The following MAGI2 variants were observed in gnomAD, a reference collection of about 807,000 sequenced individuals.
MAGI2 encodes the protein membrane associated guanylate kinase, WW and PDZ domain containing 2.
A neutral mutation model predicts 133.3 loss-of-function variants in MAGI2; 35 were observed. The ratio of observed to expected loss-of-function variants is 0.26; its 90% CI spans 0.20 to 0.35. The LOEUF is 0.35. Among genes scored for constraint, MAGI2 ranks in the 10% least tolerant of loss-of-function variants. MAGI2 has a pLI of 1.00. For synonymous variants in MAGI2, 729 were observed against 710.6 expected, an observed-to-expected ratio of 1.03 and a Z score of -0.41; for missense variants, 1,636 against 1,863.4, an observed-to-expected ratio of 0.88 and a Z score of 2.25.
intron 2 of MAGI2, among the ~76,000 whole-genome samples, chr7:78,979,633 C>T (rs1374215920): frequency 2.0e-5 from 3 of 151,812 alleles, no homozygotes; most frequent in Admixed American, 6.6e-5. Context: ...CCTGGTTGTT[C>T]ACTCTGTTCT....
At chr7:78,688,602 T>G (rs903037173) in intron 2 of MAGI2, among the ~76,000 whole-genome samples, 1 of 152,210 alleles carries the variant, frequency 6.6e-6, no homozygotes, top group Non-Finnish European at 1.5e-5. Flanking sequence ...TTAATCCTTG[T>G]GGTTCACAGA....
intron 2 of MAGI2, among the ~76,000 whole-genome samples, chr7:78,889,199 AAC>A (rs2151563844): frequency 7.1e-6 from 1 of 140,870 alleles, no homozygotes; most frequent in African/African-American, 3.1e-5. Context: ...AAAAGAAATG[AAC>A]AAAGCCTCCA....
intron 3 of MAGI2, among the ~76,000 whole-genome samples, chr7:78,582,818 A>G (rs1027793728): frequency 1.3e-5 from 2 of 152,216 alleles, no homozygotes; most frequent in African/African-American, 4.8e-5. Flanking sequence ...AGGGGAATAG[A>G]AAATACACCC....
At chr7:78,866,988 A>G (rs1794614008) in intron 2 of MAGI2, among the ~76,000 whole-genome samples, 1 of 151,880 alleles carries the variant, frequency 6.6e-6, no homozygotes, top group South Asian at 2.1e-4. Flanking sequence ...AACCACAATG[A>G]GATATCATCT....
At chr7:78,743,729 G>A (rs189138314) in intron 2 of MAGI2, among the ~76,000 whole-genome samples, 4 of 152,274 alleles carry the variant, frequency 2.6e-5, no homozygotes, top group Admixed American at 2.0e-4. Context: ...TATAAGCATA[G>A]GTGAACAATT....
At chr7:78,573,295 T>C (rs1431967294) in intron 3 of MAGI2, among the ~76,000 whole-genome samples, 1 of 60,160 alleles carries the variant, frequency 1.7e-5, no homozygotes, top group Non-Finnish European at 2.8e-5. Context: ...TATATAAATA[T>C]ATATATTTAT....
intron 1 of MAGI2, among the ~76,000 whole-genome samples, chr7:79,152,847 T>A (rs1823389881): frequency 1.3e-5 from 2 of 152,200 alleles, no homozygotes; most frequent in Admixed American, 1.3e-4. Flanking sequence ...CATCTCTATC[T>A]CCAGTTGTAG....
At position 79,010,235 on chromosome 7, in the gene MAGI2, A is replaced by ATATGTATG. The variant is rs140738019; in HGVS notation, c.302-3037_302-3030dup. 4.4e-4 allele frequency among the ~76,000 whole-genome samples: 66 copies of ATATGTATG among 151,694 alleles called. 1 individual carries two copies. The East Asian group carries it at 9.8e-3, about 22-fold the overall frequency. On this transcript the variant is annotated intron_variant, in intron 1 of 21. Coordinates refer to ENST00000354212, the MANE Select transcript of MAGI2 (RefSeq NM_012301.4). ...TTATATGTATGTGTGATACATATGTATATGTATGTATGTGTGATACATGTG... is the reference window on the plus strand; with the variant it reads ...TTATATGTATGTGTGATACATATGTATATGTATGTATGTATGTATGTGTGATACATGTG...
At position 78,256,577 on chromosome 7, in the gene MAGI2, A is replaced by T. The variant is rs1793001382; in HGVS notation, c.1413T>A (p.Asp471Glu). 1.9e-6 allele frequency: 3 copies of T among 1,608,722 alleles called. No individual in the cohort carries two copies. Among genetic ancestry groups the T allele is most frequent in the South Asian group, 1.1e-5 (1 of 89,800 alleles). The stretch of plus-strand genomic sequence containing the variant: ...AAACTTCATTAATATAGACAATGAC[A>T]TCACCTGTAAGAAAAAAAGAGATTG... ...AAQDGKMETG[D>E]VIVYINEVCV... Residue 471 changes from aspartate to glutamate, a missense_variant, in exon 10 of 22, where the codon GAT becomes GAA. This residue lies in a region of MAGI2 where 920 missense variants were observed against 1,093.5 expected (regional missense o/e 0.84). Coordinates refer to ENST00000354212, the MANE Select transcript of MAGI2 (RefSeq NM_012301.4).
At chr7:78,900,742 G>A (rs1326798386) in intron 2 of MAGI2, among the ~76,000 whole-genome samples, 1 of 151,890 alleles carries the variant, frequency 6.6e-6, no homozygotes, top group Non-Finnish European at 1.5e-5. Context: ...ATTTTTTAAT[G>A]TATCTTTTCT....
chr7:78,217,547 G>A (rs976836420), intron 10 of MAGI2, among the ~76,000 whole-genome samples: 1 of 152,154 alleles, frequency 6.6e-6, no homozygotes, highest in African/African-American at 2.4e-5. Context: ...TATGAAATCT[G>A]TGTGAAGGAG....
intron 3 of MAGI2, among the ~76,000 whole-genome samples, chr7:78,597,486 A>G (rs546961816): frequency 1.3e-5 from 2 of 152,238 alleles, no homozygotes; most frequent in African/African-American, 4.8e-5. Context: ...TCAACTCCAC[A>G]TGCAGAAAGC....
intron 1 of MAGI2, among the ~76,000 whole-genome samples, chr7:79,328,705 G>C (rs1319298207): frequency 6.6e-6 from 1 of 152,150 alleles, no homozygotes; most frequent in Non-Finnish European, 1.5e-5. Flanking sequence ...TAGGTTGAGA[G>C]TGATCTTAGA....
At chr7:79,307,333 G>T (rs1837907771) in intron 1 of MAGI2, among the ~76,000 whole-genome samples, 1 of 152,110 alleles carries the variant, frequency 6.6e-6, no homozygotes, top group Admixed American at 6.5e-5. Context: ...CAGAATAATT[G>T]AACTTCTTAA....
chr7:78,967,861 C>T (rs898854701), intron 2 of MAGI2, among the ~76,000 whole-genome samples: 4 of 152,018 alleles, frequency 2.6e-5, no homozygotes, highest in East Asian at 1.9e-4. Flanking sequence ...GATGGAGTCT[C>T]GCTCTGTCAC....
At chr7:78,754,572 A>T (rs10267590) in intron 2 of MAGI2, among the ~76,000 whole-genome samples, 1,894 of 152,246 alleles carry the variant, frequency 0.012, 42 homozygotes, top group African/African-American at 0.041. Flanking sequence ...AGAGGCTCTA[A>T]AACTGTATCA....
At chr7:79,100,401 T>C (rs1158604265) in intron 1 of MAGI2, among the ~76,000 whole-genome samples, 1 of 151,998 alleles carries the variant, frequency 6.6e-6, no homozygotes, top group East Asian at 1.9e-4. Flanking sequence ...CATATATATA[T>C]TTTAGCCAAT....
intron 1 of MAGI2, among the ~76,000 whole-genome samples, chr7:79,093,709 C>CT (rs1817275171): frequency 8.6e-6 from 1 of 116,516 alleles, no homozygotes; most frequent in African/African-American, 3.0e-5. Context: ...TTTTTCTTTT[C>CT]TTTTCTTTTT....
At chr7:78,317,939 C>T (rs759708984) in intron 9 of MAGI2, among the ~76,000 whole-genome samples, 43 of 152,258 alleles carry the variant, frequency 2.8e-4, no homozygotes, top group African/African-American at 9.6e-4. Flanking sequence ...ACAAAAAGGA[C>T]GTCCAGACAC....
Sources: gnomAD v4.1 joint callset for allele counts (sites outside exome capture counted in the v4.1 genomes callset) on GRCh38, gnomAD v4.1.1 for gene constraint, gnomAD v4.1.1 regional missense constraint, MANE v1.5 for transcripts, NCBI Gene and HGNC (gene_info 2026-07-23, HGNC 2026-07-21) for gene names.